PITPNC1: variants seen among roughly 807,000 people sequenced by gnomAD.
PITPNC1 encodes the protein phosphatidylinositol transfer protein cytoplasmic 1, also known as cytoplasmic phosphatidylinositol transfer protein 1.
Under a neutral mutation model 44.7 loss-of-function variants are expected in PITPNC1, and 18 were observed. That is an observed-to-expected ratio of 0.40 (90% CI 0.28 to 0.60). The LOEUF (loss-of-function observed/expected upper bound fraction) is 0.60. Ranked by LOEUF, PITPNC1 falls within the 20% of genes least tolerant of loss-of-function variation. PITPNC1 has a pLI of 0.39. For synonymous variants in PITPNC1, 141 were observed against 149.6 expected, an observed-to-expected ratio of 0.94 and a Z score of 0.42; for missense variants, 290 against 418.4, an observed-to-expected ratio of 0.69 and a Z score of 2.68.
chr17:67,448,841 ACGATCT>A (rs2039136930), intron 1 of PITPNC1, among the ~76,000 whole-genome samples: 1 of 152,188 alleles, frequency 6.6e-6, no homozygotes. Context: ...GTGCAGTGGC[ACGATCT>A]CCTCCGCCTC....
intron 1 of PITPNC1, among the ~76,000 whole-genome samples, chr17:67,432,865 A>T (rs941927602): frequency 6.6e-6 from 1 of 152,200 alleles, no homozygotes; most frequent in African/African-American, 2.4e-5. Context: ...TTGAGTGATT[A>T]TTATGTGCCA....
At chr17:67,605,370 T>C (rs949433652) in intron 5 of PITPNC1, among the ~76,000 whole-genome samples, 2 of 152,194 alleles carry the variant, frequency 1.3e-5, no homozygotes, top group African/African-American at 2.4e-5. Context: ...GGATTTTCCA[T>C]GGTCTGCAAG....
chr17:67,416,894 C>G (rs2143856816), intron 1 of PITPNC1, among the ~76,000 whole-genome samples: 1 of 151,032 alleles, frequency 6.6e-6, no homozygotes, highest in Admixed American at 6.6e-5. Flanking sequence ...CTCACCGCAA[C>G]CTCTGCCTCC....
At chr17:67,519,171 G>GTTTTTTTTTTTTTTTTTTTTTTTT (rs563294178) in intron 1 of PITPNC1, among the ~76,000 whole-genome samples, 1 of 78,752 alleles carries the variant, frequency 1.3e-5, no homozygotes, top group Non-Finnish European at 2.3e-5. Flanking sequence ...GCAGCATTCT[G>GTTTTTTTTTTTTTTTTTTTTTTTT]TTTTTTTTTT....
chr17:67,523,807 G>GTTTTTTTTTT (rs11439767), intron 1 of PITPNC1, among the ~76,000 whole-genome samples: 1 of 125,884 alleles, frequency 7.9e-6, no homozygotes, highest in Non-Finnish European at 1.6e-5. Context: ...CATGGAAACC[G>GTTTTTTTTTT]TTTTTTTTTT....
chr17:67,439,313 A>G (rs34485310), intron 1 of PITPNC1, among the ~76,000 whole-genome samples: 30,605 of 152,160 alleles, frequency 0.2, 3,188 homozygotes, highest in Middle Eastern at 0.34. Flanking sequence ...TGTGTTTGCT[A>G]TTGGCATGGC....
intron 1 of PITPNC1, among the ~76,000 whole-genome samples, chr17:67,502,951 TAC>T: frequency 6.6e-6 from 1 of 152,026 alleles, no homozygotes; most frequent in Non-Finnish European, 1.5e-5. Flanking sequence ...ATGCCACCAC[TAC>T]GCCCAGCTAA....
chr17:67,568,003 AAAAGAAG>A lies in PITPNC1; in HGVS notation c.295-10169_295-10163del, dbSNP rs1199161872. Reference sequence around the variant, plus strand: ...AAAGAAAGAAAGGAGAAGAGAAGAGAAAAGAAGAAAGAAGAAAGAAAGATAGAAATCC... The same window carrying A: ...AAAGAAAGAAAGGAGAAGAGAAGAGAAAAGAAGAAAGAAAGATAGAAATCC... On this transcript the variant is annotated intron_variant, in intron 4 of 8. Transcript: ENST00000581322. 2.6e-5 allele frequency among the ~76,000 whole-genome samples: 4 copies of A among 152,312 alleles called. No homozygotes were observed. The East Asian group carries it at 5.8e-4, about 22-fold the overall frequency.
chr17:67,488,809 C>A lies in PITPNC1; in HGVS notation c.49-43993C>A, dbSNP rs76738376. Among the ~76,000 whole-genome samples, 47 of 152,314 alleles carry A rather than the reference C, an allele frequency of 3.1e-4. No homozygotes were observed. The East Asian group carries it at 8.1e-3, about 26-fold the overall frequency. ...CTTTCTGTCCCTGAGTTTGACTACTCTAGGTACTCACATAAGTAGAATCAC... is the reference window on the plus strand; with the variant it reads ...CTTTCTGTCCCTGAGTTTGACTACTATAGGTACTCACATAAGTAGAATCAC... On this transcript the variant is annotated intron_variant, in intron 1 of 8. Coordinates refer to ENST00000581322, the MANE Select transcript of PITPNC1 (RefSeq NM_012417.4).
At chr17:67,455,584 T>C (rs1170534430) in intron 1 of PITPNC1, among the ~76,000 whole-genome samples, 4 of 148,740 alleles carry the variant, frequency 2.7e-5, no homozygotes, top group Non-Finnish European at 5.9e-5. Flanking sequence ...CATGCCCAGC[T>C]AGTTTTTTTT....
chr17:67,473,558 CT>C (rs1334823851), intron 1 of PITPNC1, among the ~76,000 whole-genome samples: 1 of 152,118 alleles, frequency 6.6e-6, no homozygotes, highest in Non-Finnish European at 1.5e-5. Flanking sequence ...ACGCCTCAGC[CT>C]CCCAAAGTGC....
At chr17:67,623,378 T>C (rs1165644990) in intron 5 of PITPNC1, among the ~76,000 whole-genome samples, 3 of 152,114 alleles carry the variant, frequency 2.0e-5, no homozygotes, top group African/African-American at 7.2e-5. Context: ...TTTCTTTTCT[T>C]TTCTTTTCTT....
At chr17:67,577,957 C>T (rs116010170) in intron 4 of PITPNC1, among the ~76,000 whole-genome samples, 564 of 152,298 alleles carry the variant, frequency 3.7e-3, no homozygotes, top group African/African-American at 0.013. Context: ...GACTTGCCCT[C>T]TACTGCTGGT....
At chr17:67,397,153 G>C (rs914662970) in intron 1 of PITPNC1, among the ~76,000 whole-genome samples, 22 of 151,794 alleles carry the variant, frequency 1.4e-4, no homozygotes, top group African/African-American at 4.8e-4. Context: ...GCTAATTTTT[G>C]TATTTTTAGT....
chr17:67,665,910 G>A (rs942714538), intron 6 of PITPNC1, among the ~76,000 whole-genome samples: 11 of 151,258 alleles, frequency 7.3e-5, no homozygotes, highest in East Asian at 3.9e-4. Flanking sequence ...GCACAATCTC[G>A]GCTCACTGCA....
chr17:67,557,773 T>G (rs568064499), intron 4 of PITPNC1, among the ~76,000 whole-genome samples: 1 of 152,372 alleles, frequency 6.6e-6, no homozygotes, highest in Admixed American at 6.5e-5. Context: ...ACAGATGCTT[T>G]CAGTTGCCTT....
chr17:67,510,542 C>T (rs1021352950), intron 1 of PITPNC1, among the ~76,000 whole-genome samples: 1 of 152,178 alleles, frequency 6.6e-6, no homozygotes, highest in Admixed American at 6.5e-5. Flanking sequence ...AGAGGGCGCC[C>T]TTGACCGCCT....
chr17:67,465,720 G>C (rs1288938566), intron 1 of PITPNC1, among the ~76,000 whole-genome samples: 2 of 152,122 alleles, frequency 1.3e-5, no homozygotes, highest in African/African-American at 4.8e-5. Flanking sequence ...TCTGTGCCTA[G>C]TTCCCCTTGG....
At chr17:67,419,485 G>C (rs1004903500) in intron 1 of PITPNC1, among the ~76,000 whole-genome samples, 2 of 152,140 alleles carry the variant, frequency 1.3e-5, no homozygotes, top group Non-Finnish European at 2.9e-5. Flanking sequence ...TGTAAGAGCT[G>C]GCCCGTCTTC....
Sources: gnomAD v4.1 joint callset for allele counts (sites outside exome capture counted in the v4.1 genomes callset) on GRCh38, gnomAD v4.1.1 for gene constraint, MANE v1.5 for transcripts, NCBI Gene and HGNC (gene_info 2026-07-23, HGNC 2026-07-21) for gene names.